Variants in L3MBTL4 observed in about 807,000 individuals in gnomAD.
The protein encoded by L3MBTL4 is L3MBTL histone methyl-lysine binding protein 4.
In L3MBTL4, 70 loss-of-function variants were observed where a neutral mutation model predicts 84.5. That is an observed-to-expected ratio of 0.83 (90% CI 0.68 to 1.01). The LOEUF is 1.01. Among genes scored for constraint, L3MBTL4 ranks in the 50% least tolerant of loss-of-function variants. The pLI, the probability that L3MBTL4 is intolerant of heterozygous loss-of-function variation, is 0.00. For missense variants in L3MBTL4, 715 were observed against 754.8 expected (o/e 0.95, Z 0.62); for synonymous variants, 274 against 259.8 (o/e 1.05, Z -0.52).
chr18:6,064,797 C>T (rs1333505964), intron 16 of L3MBTL4, among the ~76,000 whole-genome samples: 9 of 151,786 alleles, frequency 5.9e-5, no homozygotes, highest in East Asian at 3.9e-4. Context: ...ATTGATGAAT[C>T]GTGACAATCT....
intron 1 of L3MBTL4, among the ~76,000 whole-genome samples, chr18:6,317,127 T>C (rs914947284): frequency 5.9e-5 from 9 of 152,234 alleles, no homozygotes; most frequent in African/African-American, 2.2e-4. Context: ...ACATTGTTAC[T>C]ACAAGAGGCG....
intron 7 of L3MBTL4, 135 bp downstream of exon 7, chr18:6,243,159 C>G: frequency 1.4e-6 from 1 of 721,416 alleles, no homozygotes; most frequent in Non-Finnish European, 2.1e-6. Context: ...TCTTACTACT[C>G]TTTATGGAAC....
intron 1 of L3MBTL4, among the ~76,000 whole-genome samples, chr18:6,344,972 A>G (rs2052803961): frequency 6.6e-6 from 1 of 152,148 alleles, no homozygotes; most frequent in African/African-American, 2.4e-5. Flanking sequence ...TGGTACTAGA[A>G]GTCCTAGTCA....
intron 1 of L3MBTL4, among the ~76,000 whole-genome samples, chr18:6,362,627 A>G (rs2053756721): frequency 6.6e-6 from 1 of 152,226 alleles, no homozygotes; most frequent in Admixed American, 6.5e-5. Flanking sequence ...ACACCAAGAA[A>G]TGATACTGCC....
At chr18:6,214,470 T>C (rs1212256485) in intron 11 of L3MBTL4, among the ~76,000 whole-genome samples, 1 of 152,222 alleles carries the variant, frequency 6.6e-6, no homozygotes, top group Non-Finnish European at 1.5e-5. Flanking sequence ...CACATAAAAG[T>C]GTTCAATTGG....
intron 1 of L3MBTL4, among the ~76,000 whole-genome samples, chr18:6,393,132 A>G (rs2055127712): frequency 6.6e-6 from 1 of 152,222 alleles, no homozygotes; most frequent in South Asian, 2.1e-4. Context: ...GCCTACAGAC[A>G]TCATATTTAA....
intron 16 of L3MBTL4, among the ~76,000 whole-genome samples, chr18:5,985,940 A>G (rs2053444622): frequency 1.3e-5 from 2 of 152,154 alleles, no homozygotes; most frequent in Admixed American, 6.5e-5. Flanking sequence ...AGAGGGTCAG[A>G]GGGCAACAGC....
intron 12 of L3MBTL4, among the ~76,000 whole-genome samples, chr18:6,212,877 G>T (rs2046168400): frequency 6.6e-6 from 1 of 152,138 alleles, no homozygotes; most frequent in African/African-American, 2.4e-5. Context: ...TTAAGCCAGG[G>T]GCAGTTTTAT....
intron 16 of L3MBTL4, among the ~76,000 whole-genome samples, chr18:5,983,117 T>G (rs1197617281): frequency 1.3e-5 from 2 of 152,224 alleles, no homozygotes; most frequent in African/African-American, 4.8e-5. Flanking sequence ...AAACACAGTC[T>G]TGTAAATTAA....
chr18:6,041,765 C>T (rs1480497033), intron 16 of L3MBTL4, among the ~76,000 whole-genome samples: 1 of 152,070 alleles, frequency 6.6e-6, no homozygotes, highest in Non-Finnish European at 1.5e-5. Flanking sequence ...CACCCTGTTG[C>T]CTAGGCGGGA....
chr18:6,229,975 T>G (rs1234566049), intron 10 of L3MBTL4, among the ~76,000 whole-genome samples: 2 of 152,208 alleles, frequency 1.3e-5, no homozygotes, highest in African/African-American at 4.8e-5. Context: ...AGAGTCAATA[T>G]AAATTTTAGG....
chr18:6,143,777 G>A (rs932238131), intron 13 of L3MBTL4, among the ~76,000 whole-genome samples: 2 of 152,086 alleles, frequency 1.3e-5, no homozygotes, highest in African/African-American at 4.8e-5. Context: ...CCCTTCACTA[G>A]AGTGAGGACA....
At chr18:6,117,431 C>G (rs1017323791) in intron 14 of L3MBTL4, among the ~76,000 whole-genome samples, 1 of 152,164 alleles carries the variant, frequency 6.6e-6, no homozygotes, top group Non-Finnish European at 1.5e-5. Flanking sequence ...GAGCTGAGGT[C>G]TGAGCAGAGC....
intron 5 of L3MBTL4, among the ~76,000 whole-genome samples, chr18:6,262,969 T>C (rs1057018622): frequency 6.6e-6 from 1 of 152,190 alleles, no homozygotes; most frequent in African/African-American, 2.4e-5. Flanking sequence ...TAAAAAGTTG[T>C]AGTTTCCTGC....
chr18:6,187,748 AT>A (rs1402113388), intron 12 of L3MBTL4, among the ~76,000 whole-genome samples: 1 of 152,164 alleles, frequency 6.6e-6, no homozygotes, highest in Non-Finnish European at 1.5e-5. Context: ...ATGGAGGAGA[AT>A]GAATGTTTGC....
chr18:6,247,061 T>C (rs1047982184), intron 5 of L3MBTL4, among the ~76,000 whole-genome samples: 1 of 152,232 alleles, frequency 6.6e-6, no homozygotes, highest in Non-Finnish European at 1.5e-5. Flanking sequence ...CATATGTCTC[T>C]GTGAGCATAT....
intron 5 of L3MBTL4, among the ~76,000 whole-genome samples, chr18:6,254,229 G>T (rs1368907104): frequency 6.6e-6 from 1 of 152,024 alleles, no homozygotes; most frequent in South Asian, 2.1e-4. Flanking sequence ...CCCAAAAACA[G>T]ATTAAGAGCC....
At chr18:6,133,758 C>T (rs1188965070) in intron 14 of L3MBTL4, among the ~76,000 whole-genome samples, 1 of 152,112 alleles carries the variant, frequency 6.6e-6, no homozygotes, top group Non-Finnish European at 1.5e-5. Context: ...GGAAAGGCAG[C>T]CTCCCAGTAG....
intron 16 of L3MBTL4, among the ~76,000 whole-genome samples, chr18:6,020,729 C>T (rs544122861): frequency 1.3e-5 from 2 of 152,150 alleles, no homozygotes; most frequent in Non-Finnish European, 2.9e-5. Flanking sequence ...GAGTCAAGGA[C>T]GCTCCTAGGT....
Sources: gnomAD v4.1 joint callset for allele counts (sites outside exome capture counted in the v4.1 genomes callset) on GRCh38, gnomAD v4.1.1 for gene constraint, MANE v1.5 for transcripts, NCBI Gene and HGNC (gene_info 2026-07-23, HGNC 2026-07-21) for gene names.